The following PTPN4 variants were observed in gnomAD, a reference collection of about 807,000 sequenced individuals.
PTPN4 encodes protein tyrosine phosphatase non-receptor type 4, also known as tyrosine-protein phosphatase non-receptor type 4.
PTPN4 carries 49 observed loss-of-function variants against 135.5 expected under a neutral mutation model. The ratio of observed to expected loss-of-function variants is 0.36; its 90% CI spans 0.29 to 0.46. The LOEUF is 0.46. PTPN4 is among the 20% of genes least tolerant of loss of function. The pLI is 1.00. For missense variants in PTPN4, 860 were observed against 1,101.0 expected, an observed-to-expected ratio of 0.78 and a Z score of 3.10; for synonymous variants, 333 against 369.9, an observed-to-expected ratio of 0.90 and a Z score of 1.14.
At chr2:119,893,104 G>T (rs920958649) in intron 9 of PTPN4, among the ~76,000 whole-genome samples, 1 of 152,088 alleles carries the variant, frequency 6.6e-6, no homozygotes. Context: ...AAGACATGTT[G>T]TGAATTTACA....
Position 119,981,341 on chromosome 2 carries a change from C to G in PTPN4, c.*4271C>G, listed in dbSNP as rs1397766162. Reference sequence around the variant, plus strand: ...TAATACTTTGTATTAACATTGCTTACTTCCCCCATTTGCTTCACCTATCTG... The same window carrying G: ...TAATACTTTGTATTAACATTGCTTAGTTCCCCCATTTGCTTCACCTATCTG... On this transcript the variant is annotated 3_prime_UTR_variant, in exon 27 of 27. Coordinates refer to ENST00000263708, the MANE Select transcript of PTPN4 (RefSeq NM_002830.4). 6.6e-6 allele frequency: 1 copy of G among 152,058 alleles called. No individual in the cohort carries two copies. The highest frequency in any genetic ancestry group is 1.5e-5 in the Non-Finnish European group (1 of 67,938). 9.4% of individuals were successfully genotyped at this position (152,058 alleles called of 1,614,324 possible). A position where few individuals can be genotyped will look rare whatever the true frequency, so the allele number is the denominator to read the frequency against.
chr2:119,792,930 G>A lies in PTPN4; in HGVS notation c.-17-16907G>A, dbSNP rs529087501. 2.0e-5 allele frequency among the ~76,000 whole-genome samples: 3 copies of A among 152,284 alleles called. No individual in the cohort carries two copies. The East Asian group carries it at 5.8e-4, about 29-fold the overall frequency. On this transcript the variant is annotated intron_variant, in intron 1 of 26. Coordinates refer to ENST00000263708, the MANE Select transcript of PTPN4 (RefSeq NM_002830.4). ...GTCACAGAGATCACATGCTTCAAAG[G>A]CAATAAAGTATCACGAGGCAAATGG... is the stretch of plus-strand genomic sequence containing the variant.
chr2:119,899,052 C>G (rs1257498627), intron 9 of PTPN4, among the ~76,000 whole-genome samples: 1 of 152,124 alleles, frequency 6.6e-6, no homozygotes, highest in Non-Finnish European at 1.5e-5. Flanking sequence ...TTACTGTAGC[C>G]TGCCTTATGT....
chr2:119,973,582 T>C (rs1679566821), intron 26 of PTPN4, among the ~76,000 whole-genome samples: 1 of 151,634 alleles, frequency 6.6e-6, no homozygotes, highest in Admixed American at 6.6e-5. Context: ...AATTCAGATA[T>C]AGTCTACACA....
intron 3 of PTPN4, among the ~76,000 whole-genome samples, chr2:119,864,099 A>T (rs1298146874): frequency 6.6e-6 from 1 of 152,174 alleles, no homozygotes; most frequent in Non-Finnish European, 1.5e-5. Flanking sequence ...AAAGAGGATC[A>T]CTCAGGAGAG....
At chr2:119,902,472 G>A (rs914243699) in intron 10 of PTPN4, among the ~76,000 whole-genome samples, 1 of 152,198 alleles carries the variant, frequency 6.6e-6, no homozygotes, top group Non-Finnish European at 1.5e-5. Context: ...ACAGGAATCT[G>A]GATCTACAGA....
chr2:119,964,931 G>T (rs1679424670), intron 24 of PTPN4, among the ~76,000 whole-genome samples: 1 of 152,180 alleles, frequency 6.6e-6, no homozygotes, highest in Non-Finnish European at 1.5e-5. Flanking sequence ...AGACAGCAGG[G>T]ATGCAGCAGA....
chr2:119,888,259 T>G (rs184504604), intron 9 of PTPN4, among the ~76,000 whole-genome samples: 7 of 152,060 alleles, frequency 4.6e-5, no homozygotes, highest in African/African-American at 9.6e-5. Context: ...AGTCTTTAGG[T>G]TTTTTTTAGA....
At chr2:119,763,599 G>A (rs1690547994) in intron 1 of PTPN4, among the ~76,000 whole-genome samples, 1 of 152,118 alleles carries the variant, frequency 6.6e-6, no homozygotes, top group South Asian at 2.1e-4. Context: ...TTATTCTTTA[G>A]ATCGGTTCTG....
chr2:119,814,087 A>G (rs1034788150), intron 2 of PTPN4, among the ~76,000 whole-genome samples: 1 of 152,148 alleles, frequency 6.6e-6, no homozygotes, highest in East Asian at 1.9e-4. Flanking sequence ...GTTTTATTTT[A>G]TAAGTGTATG....
In PTPN4 at chr2:119,900,784, G is replaced by A. The variant is rs531005298; in HGVS notation, c.742G>A (p.Val248Ile). The A allele has an allele frequency of 2.1e-5, 33 of 1,575,596 alleles. No individual in the cohort carries two copies. The African/African-American group carries it at 3.5e-4, about 17-fold the overall frequency. The change falls in exon 10 of 27, where the codon GTA becomes ATA. Residue 248 changes from valine to isoleucine, a missense_variant. Val to Ile is a conservative substitution (Grantham distance 29). Coordinates refer to ENST00000263708, the MANE Select transcript of PTPN4 (RefSeq NM_002830.4). The stretch of plus-strand genomic sequence containing the variant: ...AGGAATTCTGATTTATAAGAACAGG[G>A]TACGAATGAATACCTTTCCATGGTA... ...SGGILIYKNR[V>I]RMNTFPWLKI... is the part of the protein sequence containing the mutation.
At chr2:119,851,918 A>G (rs1020710635) in intron 2 of PTPN4, among the ~76,000 whole-genome samples, 2 of 152,152 alleles carry the variant, frequency 1.3e-5, no homozygotes, top group African/African-American at 4.8e-5. Context: ...ATGCCTGCCT[A>G]ACTACCTGTA....
chr2:119,967,856 G>A lies in PTPN4; in HGVS notation c.2578G>A (p.Gly860Arg). The A allele has an allele frequency of 6.2e-7, 1 of 1,606,882 alleles. No individual in the cohort carries two copies. The highest frequency in any genetic ancestry group is 8.5e-7 in the Non-Finnish European group (1 of 1,175,416). ...TTTTAGTGCTGGAATCGGAAGAACT[G>A]GGGTTCTTATTACTATGGAAACAGC... is the stretch of plus-strand genomic sequence containing the variant. ...VHCSAGIGRT[G>R]VLITMETAMC... Residue 860 changes from glycine (G) to arginine (R), a missense_variant, in exon 26 of 27, where the codon GGG becomes AGG. Gly to Arg is a moderately radical substitution (Grantham distance 125). Around this residue, in one of 2 missense-constraint regions of PTPN4, gnomAD observed 176 missense variants for 294.1 expected, o/e 0.60. Coordinates refer to ENST00000263708, the MANE Select transcript of PTPN4 (RefSeq NM_002830.4).
At chr2:119,958,923 G>T (rs1301184277) in intron 22 of PTPN4, among the ~76,000 whole-genome samples, 1 of 152,022 alleles carries the variant, frequency 6.6e-6, no homozygotes, top group Non-Finnish European at 1.5e-5. Context: ...ACACTTGGGG[G>T]TCAGTTTTAA....
chr2:119,824,894 G>T (rs1331292797), intron 2 of PTPN4, among the ~76,000 whole-genome samples: 7 of 152,074 alleles, frequency 4.6e-5, no homozygotes, highest in Non-Finnish European at 5.9e-5. Flanking sequence ...CACCATGTTG[G>T]CCAGGCTGGT....
In PTPN4 at chr2:119,871,705, AAGAG is replaced by A. The variant is rs777197733; in HGVS notation, c.247-5610_247-5607del. On this transcript the variant is annotated intron_variant, in intron 3 of 26. Transcript: ENST00000263708. ...TTTTTTGCTCTGTATGTGTGTGAGA[AAGAG>A]AGAGAGAAAAAAAAAGCTTGAATGT... 3.0e-4 allele frequency among the ~76,000 whole-genome samples: 46 copies of A among 152,238 alleles called. 1 individual carries two copies. The highest frequency in any genetic ancestry group is 1.6e-3 in the Admixed American group (25 of 15,286).
chr2:119,861,947 T>C (rs1278361563), intron 2 of PTPN4, among the ~76,000 whole-genome samples: 2 of 151,982 alleles, frequency 1.3e-5, no homozygotes, highest in East Asian at 3.8e-4. Flanking sequence ...ATCAGTTTGC[T>C]ATAAATAATT....
At chr2:119,924,813 A>T (rs148727946) in intron 12 of PTPN4, among the ~76,000 whole-genome samples, 2 of 152,108 alleles carry the variant, frequency 1.3e-5, no homozygotes, top group Non-Finnish European at 2.9e-5. Context: ...AAATTAAGGT[A>T]TCAGTCAGAG....
chr2:119,841,515 A>C (rs939049515), intron 2 of PTPN4, among the ~76,000 whole-genome samples: 2 of 152,180 alleles, frequency 1.3e-5, no homozygotes, highest in African/African-American at 2.4e-5. Flanking sequence ...CATTGAATGC[A>C]TGTGTTTTTC....
Sources: gnomAD v4.1 joint callset for allele counts (sites outside exome capture counted in the v4.1 genomes callset) on GRCh38, gnomAD v4.1.1 for gene constraint, gnomAD v4.1.1 regional missense constraint, MANE v1.5 for transcripts, NCBI Gene and HGNC (gene_info 2026-07-23, HGNC 2026-07-21) for gene names.